SLC4A5: variants seen among roughly 807,000 people sequenced by gnomAD.
SLC4A5 encodes solute carrier family 4 member 5.
Under a neutral mutation model 120.4 loss-of-function variants are expected in SLC4A5, and 96 were observed. The ratio of observed to expected loss-of-function variants is 0.80; its 90% CI spans 0.68 to 0.94. SLC4A5 has a LOEUF of 0.94. SLC4A5 is among the 40% of genes least tolerant of loss of function. The pLI is 0.00. For missense variants in SLC4A5, 1,259 were observed against 1,459.5 expected, an observed-to-expected ratio of 0.86 and a Z score of 2.24; for synonymous variants, 550 against 571.1, an observed-to-expected ratio of 0.96 and a Z score of 0.53.
chr2:74,252,502 A>G lies in SLC4A5; in HGVS notation c.1269-114T>C, dbSNP rs1573028379. 24 of 1,270,492 alleles carry G rather than the reference A, an allele frequency of 1.9e-5. No homozygotes were observed. The East Asian group carries it at 5.7e-4, about 30-fold the overall frequency. The allele number at this position is 1,270,492 out of a possible 1,614,324, so 78.7% of individuals were successfully genotyped here. A position where few individuals can be genotyped will look rare whatever the true frequency, so the allele number is the denominator to read the frequency against. On this transcript the variant is annotated intron_variant, in intron 15 of 30. Coordinates refer to ENST00000394019, the Ensembl canonical transcript of SLC4A5. ...ACAAAAATGCAGAAAATTGTCTAAC[A>G]ATATCCACACGCAGGTCACCTAGAT...
Position 74,242,055 on chromosome 2 carries a change from G to A in SLC4A5, c.2060-3C>T. ...AGCATTGAACACGGTTGTATTCACT[G>A]TGGATGAGCACATGACACGGGGCAG... is the stretch of plus-strand genomic sequence containing the variant. On this transcript the variant is annotated splice_polypyrimidine_tract_variant and splice_region_variant and intron_variant, in intron 19 of 30. Coordinates refer to ENST00000394019, the Ensembl canonical transcript of SLC4A5. 9.3e-6 allele frequency: 15 copies of A among 1,604,396 alleles called. No individual in the cohort carries two copies. The highest frequency in any genetic ancestry group is 1.2e-5 in the Non-Finnish European group (14 of 1,173,598).
chr2:74,259,490 G>C, intron 12 of SLC4A5, 98 bp downstream of exon 12: 3 of 1,341,430 alleles, frequency 2.2e-6, no homozygotes, highest in Non-Finnish European at 3.2e-6. Context: ...CTCCTTTGTA[G>C]GAGTGGAACT....
intron 7 of SLC4A5, chr2:74,290,650 A>AGAGAGAGAGAGAGAG (rs1491557069): frequency 1.1e-6 from 1 of 938,236 alleles, no homozygotes; most frequent in African/African-American, 2.0e-5. Context: ...AGAGAGAGAG[A>AGAGAGAGAGAGAGAG]AGTGAGCAAG....
chr2:74,223,597 A>C (rs1694736040), intron 28 of SLC4A5, among the ~76,000 whole-genome samples: 1 of 152,232 alleles, frequency 6.6e-6, no homozygotes, highest in South Asian at 2.1e-4. Context: ...TATAAATTGA[A>C]TCCTGTTTTT....
At chr2:74,322,352 C>T (rs1476248715) in intron 5 of SLC4A5, among the ~76,000 whole-genome samples, 2 of 151,828 alleles carry the variant, frequency 1.3e-5, no homozygotes, top group Non-Finnish European at 1.5e-5. Context: ...ATAATGAGAA[C>T]AAAAGGAAGT....
chr2:74,321,581 C>G (rs552591376), intron 5 of SLC4A5, among the ~76,000 whole-genome samples: 1 of 152,072 alleles, frequency 6.6e-6, no homozygotes, highest in South Asian at 2.1e-4. Context: ...GAAAACCACA[C>G]CTGGGTCATC....
intron 19 of SLC4A5, among the ~76,000 whole-genome samples, chr2:74,242,664 C>T (rs569983593): frequency 3.2e-4 from 49 of 152,100 alleles, no homozygotes; most frequent in African/African-American, 1.1e-3. Flanking sequence ...TCCACAGATA[C>T]GTCCCTTCCC....
At chr2:74,305,168 C>T (rs1431724747) in intron 6 of SLC4A5, among the ~76,000 whole-genome samples, 2 of 152,074 alleles carry the variant, frequency 1.3e-5, no homozygotes, top group Non-Finnish European at 2.9e-5. Context: ...GCTTTGTAAA[C>T]TAAAATTTCT....
intron 20 of SLC4A5, 122 bp downstream of exon 20, chr2:74,241,872 G>A (rs1296865310): frequency 4.0e-6 from 3 of 757,848 alleles, no homozygotes; most frequent in South Asian, 3.0e-5. Flanking sequence ...ACCCTGACGT[G>A]CAGCTGGAGT....
chr2:74,248,203 A>T, intron 18 of SLC4A5, 150 bp downstream of exon 18: 2 of 1,060,484 alleles, frequency 1.9e-6, no homozygotes, highest in African/African-American at 1.6e-5. Context: ...AGGAGTCAGG[A>T]GGGGCCACCT....
At chr2:74,330,915 GT>G (rs1673347552) in intron 4 of SLC4A5, among the ~76,000 whole-genome samples, 2 of 105,274 alleles carry the variant, frequency 1.9e-5, no homozygotes, top group Non-Finnish European at 4.2e-5. Flanking sequence ...AGATGGAGGT[GT>G]GTGGTTTAGG....
At chr2:74,327,452 G>T (rs983134431) in intron 5 of SLC4A5, among the ~76,000 whole-genome samples, 42 of 152,282 alleles carry the variant, frequency 2.8e-4, no homozygotes, top group African/African-American at 9.9e-4. Context: ...CCAGGGAAAG[G>T]CTACCCTCTC....
chr2:74,227,715 C>A, intron 26 of SLC4A5, 95 bp downstream of exon 26: 2 of 1,255,996 alleles, frequency 1.6e-6, no homozygotes, highest in South Asian at 2.9e-5. Flanking sequence ...CAATTGGGGA[C>A]AATTGGGACA....
chr2:74,264,063 GC>G, intron 10 of SLC4A5, 83 bp downstream of exon 10: 1 of 1,497,900 alleles, frequency 6.7e-7, no homozygotes, highest in Non-Finnish European at 8.9e-7. Flanking sequence ...GAAACTCCCA[GC>G]CCCTAAGGTG....
intron 27 of SLC4A5, 73 bp from the exon 28 acceptor site, chr2:74,225,068 T>C (rs1694795354): frequency 1.4e-6 from 2 of 1,481,258 alleles, no homozygotes; most frequent in African/African-American, 1.4e-5. Flanking sequence ...AACTCAGGCA[T>C]AGATTTTTTT....
At chr2:74,269,189 A>G (rs1671394005) in intron 8 of SLC4A5, among the ~76,000 whole-genome samples, 1 of 152,196 alleles carries the variant, frequency 6.6e-6, no homozygotes, top group Admixed American at 6.5e-5. Context: ...TACAAGGAAT[A>G]GACCAAAGGA....
In SLC4A5 at chr2:74,255,282, T is replaced by C. The variant is rs993185279; in HGVS notation, c.1025+493A>G. 1.3e-5 allele frequency among the ~76,000 whole-genome samples: 2 copies of C among 152,092 alleles called. No individual in the cohort carries two copies. Among genetic ancestry groups the C allele is most frequent in the Non-Finnish European group, 2.9e-5 (2 of 68,026 alleles). On this transcript the variant is annotated intron_variant, in intron 13 of 30. Coordinates refer to ENST00000394019, the Ensembl canonical transcript of SLC4A5. The surrounding 1 kb of genome is among the most constrained non-coding windows in gnomAD (Gnocchi z 4.0). The stretch of plus-strand genomic sequence containing the variant: ...CTCCTAGTTGTTGCCTCCTTCTCTT[T>C]TATTATTTATTATTTTTATTTTTTT...
intron 6 of SLC4A5, among the ~76,000 whole-genome samples, chr2:74,312,326 G>T (rs1401400668): frequency 2.6e-5 from 4 of 151,678 alleles, no homozygotes; most frequent in African/African-American, 9.7e-5. Context: ...CACCTGCTGG[G>T]TTCAACTGAT....
At chr2:74,274,841 C>A (rs939355346) in intron 8 of SLC4A5, among the ~76,000 whole-genome samples, 19 of 152,182 alleles carry the variant, frequency 1.2e-4, no homozygotes, top group African/African-American at 4.6e-4. Context: ...CAGGGTAAGC[C>A]AAATTATCAC....
Sources: gnomAD v4.1 joint callset for allele counts (sites outside exome capture counted in the v4.1 genomes callset) on GRCh38, gnomAD v4.1.1 for gene constraint, Gnocchi (gnomAD v3.1) non-coding constraint, MANE v1.5 for transcripts, NCBI Gene and HGNC (gene_info 2026-07-23, HGNC 2026-07-21) for gene names.